CRACDL: variants seen among roughly 807,000 people sequenced by gnomAD.
CRACDL encodes the protein CRACD like.
Under a neutral mutation model 70.6 loss-of-function variants are expected in CRACDL, and 26 were observed. The ratio of observed to expected loss-of-function variants is 0.37; its 90% CI spans 0.27 to 0.51. The LOEUF (loss-of-function observed/expected upper bound fraction) is 0.51. CRACDL is among the 20% of genes least tolerant of loss of function. The pLI is 0.94. For missense variants in CRACDL, 1,283 were observed against 1,376.9 expected, an observed-to-expected ratio of 0.93 and a Z score of 1.08; for synonymous variants, 618 against 615.2, an observed-to-expected ratio of 1.00 and a Z score of -0.07.
intron 1 of CRACDL, among the ~76,000 whole-genome samples, chr2:98,883,576 A>T (rs1707714978): frequency 6.6e-6 from 1 of 152,160 alleles, no homozygotes; most frequent in African/African-American, 2.4e-5. Flanking sequence ...GGGCAGCAGC[A>T]TATTGCTCCC....
At chr2:98,808,918 G>A (rs1212996139) in intron 7 of CRACDL, among the ~76,000 whole-genome samples, 1 of 152,120 alleles carries the variant, frequency 6.6e-6, no homozygotes, top group East Asian at 1.9e-4. Context: ...CCTGGGAGGT[G>A]GGCTGCACCT....
At chr2:98,840,502 A>C (rs1210181647) in intron 2 of CRACDL, among the ~76,000 whole-genome samples, 1 of 152,158 alleles carries the variant, frequency 6.6e-6, no homozygotes, top group Non-Finnish European at 1.5e-5. Context: ...ATTAGAACAA[A>C]ATCTTTTTTT....
intron 1 of CRACDL, among the ~76,000 whole-genome samples, chr2:98,935,243 A>G (rs1374816846): frequency 6.6e-6 from 1 of 152,164 alleles, no homozygotes; most frequent in African/African-American, 2.4e-5. Flanking sequence ...CAAAACTGTC[A>G]ACAGGACCTG....
At chr2:98,907,945 T>C (rs775550818) in intron 1 of CRACDL, among the ~76,000 whole-genome samples, 9 of 152,216 alleles carry the variant, frequency 5.9e-5, no homozygotes, top group Non-Finnish European at 1.3e-4. Flanking sequence ...GAAAACCTAA[T>C]GTTTCTGCAC....
chr2:98,860,719 T>A (rs1315241704), intron 1 of CRACDL, among the ~76,000 whole-genome samples: 1 of 152,186 alleles, frequency 6.6e-6, no homozygotes, highest in Non-Finnish European at 1.5e-5. Flanking sequence ...AGGCAATAAT[T>A]ACTCAGATGT....
chr2:98,824,243 C>T (rs2104475250), intron 6 of CRACDL, among the ~76,000 whole-genome samples: 1 of 152,252 alleles, frequency 6.6e-6, no homozygotes. Context: ...CAACACTGTG[C>T]CAGACACTTG....
intron 7 of CRACDL, among the ~76,000 whole-genome samples, chr2:98,811,536 A>G (rs990073121): frequency 7.9e-5 from 12 of 151,632 alleles, no homozygotes; most frequent in Non-Finnish European, 1.2e-4. Flanking sequence ...AAAAAAAAAA[A>G]AAAGAAAATT....
intron 1 of CRACDL, among the ~76,000 whole-genome samples, chr2:98,919,170 C>T (rs1708738683): frequency 6.6e-6 from 1 of 152,148 alleles, no homozygotes; most frequent in Non-Finnish European, 1.5e-5. Context: ...TTTCTCAGCA[C>T]CATTTATTGA....
At chr2:98,825,856 T>A (rs1296740411) in intron 6 of CRACDL, among the ~76,000 whole-genome samples, 1 of 152,244 alleles carries the variant, frequency 6.6e-6, no homozygotes, top group African/African-American at 2.4e-5. Flanking sequence ...ACCTTCCATA[T>A]GCCCAAAGGA....
rs67398751 is a variant in CRACDL, at chr2:98,842,868, T to TTGTGTGTG, written c.70+3855_70+3862dup. Reference sequence around the variant, plus strand: ...GCAATTATAAATAAGTTGCTATAGTTTGTGTGTGTGTGTGTGTGTGTGTGT... The same window carrying TTGTGTGTG: ...GCAATTATAAATAAGTTGCTATAGTTTGTGTGTGTGTGTGTGTGTGTGTGTGTGTGTGT... On this transcript the variant is annotated intron_variant, in intron 2 of 9. Coordinates refer to ENST00000397899, the MANE Select transcript of CRACDL (RefSeq NM_207362.3). 2.6e-3 allele frequency among the ~76,000 whole-genome samples: 370 copies of TTGTGTGTG among 145,066 alleles called. 2 individuals are homozygous for TTGTGTGTG. Among genetic ancestry groups the TTGTGTGTG allele is most frequent in the African/African-American group, 8.6e-3 (343 of 39,886 alleles).
At chr2:98,855,798 A>C (rs1262022994) in intron 1 of CRACDL, among the ~76,000 whole-genome samples, 1 of 152,238 alleles carries the variant, frequency 6.6e-6, no homozygotes, top group Admixed American at 6.5e-5. Context: ...AGAAACTATA[A>C]AAATAAACAA....
At chr2:98,932,627 C>G (rs529828919) in intron 1 of CRACDL, among the ~76,000 whole-genome samples, 3 of 152,168 alleles carry the variant, frequency 2.0e-5, no homozygotes, top group Non-Finnish European at 4.4e-5. Context: ...CCCGCAACGC[C>G]GCTGCCAGCT....
chr2:98,823,357 G>C lies in CRACDL; in HGVS notation c.916C>G (p.Arg306Gly). 1.3e-6 allele frequency: 2 copies of C among 1,520,690 alleles called. No homozygotes were observed. Among genetic ancestry groups the C allele is most frequent in the East Asian group, 2.5e-5 (1 of 40,808 alleles). The allele number at this position is 1,520,690 out of a possible 1,614,324, so 94.2% of individuals were successfully genotyped here. Reference sequence around the variant, plus strand: ...TGCTGCAGGCGGGCGCGTCTGGCACGGGCCCCTCCGGGTGGCGGCAAGGGC... The same window carrying C: ...TGCTGCAGGCGGGCGCGTCTGGCACCGGCCCCTCCGGGTGGCGGCAAGGGC... Reference protein sequence around the residue: ...PAPLPPPGGARARRARLQHSS... With the variant: ...PAPLPPPGGAGARRARLQHSS... The change falls in exon 7 of 10, where the codon CGT becomes GGT. Residue 306 changes from arginine to glycine, a missense_variant. Around this residue, in one of 2 missense-constraint regions of CRACDL, gnomAD observed 362 missense variants for 495.0 expected, o/e 0.73. Transcript: ENST00000397899. The surrounding 1 kb of genome is among the most constrained non-coding windows in gnomAD (Gnocchi z 4.0).
intron 1 of CRACDL, chr2:98,869,316 C>T: frequency 8.3e-7 from 1 of 1,202,382 alleles, no homozygotes; most frequent in Non-Finnish European, 1.1e-6. Flanking sequence ...GCCCAGCCCT[C>T]CTGTGCCCCG....
At chr2:98,830,078 C>A (rs1364317704) in intron 5 of CRACDL, among the ~76,000 whole-genome samples, 2 of 152,220 alleles carry the variant, frequency 1.3e-5, no homozygotes, top group Non-Finnish European at 2.9e-5. Context: ...CACCAAGGAG[C>A]AAAATGACTC....
At chr2:98,814,199 C>G (rs1172496849) in intron 7 of CRACDL, among the ~76,000 whole-genome samples, 1 of 151,082 alleles carries the variant, frequency 6.6e-6, no homozygotes, top group Non-Finnish European at 1.5e-5. Context: ...TTCTTTCCTT[C>G]TTGCTTTGAG....
At chr2:98,816,762 C>T (rs1052284410) in intron 7 of CRACDL, among the ~76,000 whole-genome samples, 1 of 152,156 alleles carries the variant, frequency 6.6e-6, no homozygotes, top group African/African-American at 2.4e-5. Flanking sequence ...ATGACACTTG[C>T]TCAGAAGGGA....
intron 7 of CRACDL, among the ~76,000 whole-genome samples, chr2:98,808,493 G>C (rs1170054504): frequency 6.6e-6 from 1 of 152,046 alleles, no homozygotes; most frequent in Non-Finnish European, 1.5e-5. Flanking sequence ...CCCTTTCTGG[G>C]GACAACAGTG....
intron 3 of CRACDL, among the ~76,000 whole-genome samples, chr2:98,837,573 C>T (rs1036855235): frequency 1.3e-5 from 2 of 152,110 alleles, no homozygotes; most frequent in Non-Finnish European, 2.9e-5. Flanking sequence ...TAATGAAACA[C>T]AAGTTACAAA....
Sources: gnomAD v4.1 joint callset for allele counts (sites outside exome capture counted in the v4.1 genomes callset) on GRCh38, gnomAD v4.1.1 for gene constraint, gnomAD v4.1.1 regional missense constraint, Gnocchi (gnomAD v3.1) non-coding constraint, MANE v1.5 for transcripts, NCBI Gene and HGNC (gene_info 2026-07-23, HGNC 2026-07-21) for gene names.